The following BLK variants were observed in gnomAD, a reference collection of about 807,000 sequenced individuals.
BLK encodes tyrosine-protein kinase Blk.
BLK carries 64 observed loss-of-function variants against 61.8 expected under a neutral mutation model. That is an observed-to-expected ratio of 1.03 (90% confidence interval 0.85 to 1.27). The LOEUF is 1.27. BLK is among the 50% of genes most tolerant of loss of function. The probability of loss-of-function intolerance (pLI) is 0.00; values close to 1 mark genes in which losing one functional copy is unlikely to be tolerated. For synonymous variants in BLK, 351 were observed against 272.0 expected, an observed-to-expected ratio of 1.29 and a Z score of -2.86; for missense variants, 853 against 660.5, an observed-to-expected ratio of 1.29 and a Z score of -3.19.
At chr8:11,560,715 CA>C (rs1801468324) in intron 10 of BLK, 1 of 384,434 alleles carries the variant, frequency 2.6e-6, no homozygotes, top group Non-Finnish European at 5.3e-6. Context: ...TGGGTGCCCC[CA>C]CGGGGCAGGC....
At chr8:11,518,415 C>T (rs1394052729) in intron 1 of BLK, among the ~76,000 whole-genome samples, 1 of 152,176 alleles carries the variant, frequency 6.6e-6, no homozygotes, top group Non-Finnish European at 1.5e-5. Flanking sequence ...ACAGACACCC[C>T]ACTGTAGGTG....
At chr8:11,548,273 C>A in intron 4 of BLK, 148 bp downstream of exon 4, 1 of 680,826 alleles carries the variant, frequency 1.5e-6, no homozygotes, top group Admixed American at 2.7e-5. Context: ...TTTTCTTGAA[C>A]TTGGCCCTTT....
At chr8:11,557,089 G>A (rs1801273940) in intron 9 of BLK, among the ~76,000 whole-genome samples, 1 of 152,190 alleles carries the variant, frequency 6.6e-6, no homozygotes, top group African/African-American at 2.4e-5. Flanking sequence ...TTTCTGGAGT[G>A]CATCTTCTGT....
intron 10 of BLK, among the ~76,000 whole-genome samples, chr8:11,559,296 C>A (rs1380620433): frequency 2.0e-5 from 3 of 149,022 alleles, no homozygotes; most frequent in African/African-American, 7.4e-5. Context: ...CATGTACACA[C>A]ACACACTCTC....
intron 1 of BLK, among the ~76,000 whole-genome samples, chr8:11,499,470 C>T (rs540173739): frequency 7.2e-5 from 11 of 152,218 alleles, no homozygotes; most frequent in South Asian, 2.1e-4. Context: ...TGCTTGAGAT[C>T]CTGAGAGAAT....
At chr8:11,536,164 C>T (rs987350965) in intron 1 of BLK, among the ~76,000 whole-genome samples, 4 of 152,092 alleles carry the variant, frequency 2.6e-5, no homozygotes, top group Admixed American at 1.3e-4. Flanking sequence ...GATGAAGTAA[C>T]ATTGGGGTTA....
intron 1 of BLK, chr8:11,509,151 T>TTA (rs951259007): frequency 6.6e-5 from 10 of 151,348 alleles, no homozygotes; most frequent in Non-Finnish European, 1.5e-4. Flanking sequence ...CTCCTTTAGG[T>TTA]TACACCGCAC....
chr8:11,495,589 C>T (rs1380282707), intron 1 of BLK, among the ~76,000 whole-genome samples: 1 of 138,182 alleles, frequency 7.2e-6, no homozygotes, highest in Non-Finnish European at 1.6e-5. Context: ...TCAGACAAAT[C>T]CAAACTGGGG....
At chr8:11,535,617 T>C (rs1263698520) in intron 1 of BLK, among the ~76,000 whole-genome samples, 2 of 152,220 alleles carry the variant, frequency 1.3e-5, no homozygotes, top group Non-Finnish European at 2.9e-5. Context: ...AGCACGCCCA[T>C]TTTGTAACCA....
rs562004703 is a variant in BLK, at chr8:11,496,900, T to C, written c.-2+2309T>C. ...GGGGACTCAAAGGGCCAGATCCCATTTGAGTGAGGATTCTGACCTTGTGAG... is the reference window on the plus strand; with the variant it reads ...GGGGACTCAAAGGGCCAGATCCCATCTGAGTGAGGATTCTGACCTTGTGAG... On this transcript the variant is annotated intron_variant, in intron 1 of 12. Transcript: ENST00000259089. Among the ~76,000 whole-genome samples the C allele has an allele frequency of 4.6e-5, 7 of 152,194 alleles. No individual in the cohort carries two copies. In the South Asian group the frequency reaches 1.2e-3, roughly 27 times the overall value.
intron 4 of BLK, 80 bp from the exon 5 acceptor site, chr8:11,548,944 C>T (rs1248892832): frequency 1.5e-6 from 2 of 1,296,398 alleles, no homozygotes; most frequent in Non-Finnish European, 1.1e-6. Context: ...GGAGAGATGA[C>T]TTTGAGGAGG....
intron 1 of BLK, among the ~76,000 whole-genome samples, chr8:11,520,050 C>T (rs907690106): frequency 6.6e-6 from 1 of 152,180 alleles, no homozygotes; most frequent in Non-Finnish European, 1.5e-5. Context: ...AGTAGTCACA[C>T]ACAAACCACA....
intron 11 of BLK, among the ~76,000 whole-genome samples, chr8:11,562,114 A>G (rs1014238178): frequency 6.6e-6 from 1 of 152,160 alleles, no homozygotes; most frequent in Non-Finnish European, 1.5e-5. Context: ...CCATGCCCAA[A>G]TACTATTTTT....
At chr8:11,500,366 G>C (rs993978507) in intron 1 of BLK, among the ~76,000 whole-genome samples, 2 of 151,402 alleles carry the variant, frequency 1.3e-5, no homozygotes, top group Non-Finnish European at 2.9e-5. Context: ...GCTAATTTTT[G>C]TATTTTTTTG....
chr8:11,495,467 C>G (rs2117220396), intron 1 of BLK, among the ~76,000 whole-genome samples: 1 of 152,292 alleles, frequency 6.6e-6, no homozygotes, highest in Non-Finnish European at 1.5e-5. Flanking sequence ...CCAGCTTCAC[C>G]AAGGGACCAA....
chr8:11,562,259 A>C (rs1285617481), intron 11 of BLK, among the ~76,000 whole-genome samples: 4 of 152,168 alleles, frequency 2.6e-5, no homozygotes, highest in African/African-American at 9.7e-5. Context: ...TGTGCATATA[A>C]CTGAGGTGGA....
Position 11,541,468 on chromosome 8 carries a change from C to T in BLK, c.-1-1756C>T, listed in dbSNP as rs544298310. 2.6e-5 allele frequency among the ~76,000 whole-genome samples: 4 copies of T among 151,854 alleles called. No individual in the cohort carries two copies. The South Asian group carries it at 8.3e-4, about 32-fold the overall frequency. ...ATAGGCACCTGCTAAAATTCAGTAG[C>T]CAGCCGCAATACAAACCCATCGTCT... On this transcript the variant is annotated intron_variant, in intron 1 of 12. Transcript: ENST00000259089.
Position 11,544,428 on chromosome 8 carries a change from C to T in BLK, c.123+1081C>T, listed in dbSNP as rs560217064. 4.4e-4 allele frequency among the ~76,000 whole-genome samples: 67 copies of T among 152,240 alleles called. No individual in the cohort carries two copies. The South Asian group carries it at 9.8e-3, about 22-fold the overall frequency. On this transcript the variant is annotated intron_variant, in intron 2 of 12. Transcript: ENST00000259089. Reference sequence around the variant, plus strand: ...TCCTAACAGGGACCTGATGGGGAGACGGGGATTACTAATCCCACTTCCTAG... The same window carrying T: ...TCCTAACAGGGACCTGATGGGGAGATGGGGATTACTAATCCCACTTCCTAG...
chr8:11,495,200 T>C (rs145974444), intron 1 of BLK, among the ~76,000 whole-genome samples: 1 of 152,250 alleles, frequency 6.6e-6, no homozygotes, highest in East Asian at 1.9e-4. Context: ...TTTGAAAGGA[T>C]TTGTGTAAAT....
Sources: allele counts gnomAD v4.1 joint callset (sites outside exome capture counted in the v4.1 genomes callset), GRCh38; gene constraint gnomAD v4.1.1; transcripts MANE v1.5; gene names NCBI Gene and HGNC (gene_info 2026-07-23, HGNC 2026-07-21).